L2HGDH: variants seen among roughly 807,000 people sequenced by gnomAD.
L2HGDH encodes L-2-hydroxyglutarate dehydrogenase.
L2HGDH carries 34 observed loss-of-function variants against 51.5 expected under a neutral mutation model. The observed-to-expected ratio is 0.66, with a 90% confidence interval of 0.50 to 0.88. The LOEUF (loss-of-function observed/expected upper bound fraction) is 0.88. Among genes scored for constraint, L2HGDH ranks in the 40% least tolerant of loss-of-function variants. L2HGDH has a pLI of 0.00. For synonymous variants in L2HGDH, 198 were observed against 197.9 expected, an observed-to-expected ratio of 1.00 and a Z score of -0.01; for missense variants, 558 against 571.9, an observed-to-expected ratio of 0.98 and a Z score of 0.25.
chr14:50,258,514 C>T (rs768158296), intron 9 of L2HGDH, among the ~76,000 whole-genome samples: 6 of 149,940 alleles, frequency 4.0e-5, no homozygotes, highest in African/African-American at 9.8e-5. Context: ...TCAGCCACCA[C>T]GCCCAGTCTT....
chr14:50,250,479 A>C (rs1888282035), intron 9 of L2HGDH, among the ~76,000 whole-genome samples: 1 of 152,216 alleles, frequency 6.6e-6, no homozygotes, highest in Non-Finnish European at 1.5e-5. Context: ...AGTAGAACAG[A>C]ACATCAGGTA....
In L2HGDH at chr14:50,284,113, A is replaced by G. The variant is rs568239724; in HGVS notation, c.541-80T>C. ...ACAAAATCTCTATAATCAAGAAACA[A>G]TTTTGTCCTTTAGAGGAGTTGATTT... On this transcript the variant is annotated intron_variant, in intron 4 of 9. Coordinates refer to ENST00000267436, the MANE Select transcript of L2HGDH (RefSeq NM_024884.3). 25 of 1,426,152 alleles carry G rather than the reference A, an allele frequency of 1.8e-5. No individual in the cohort carries two copies. In the African/African-American group the frequency reaches 2.0e-4, roughly 11 times the overall value. The allele number at this position is 1,426,152 out of a possible 1,614,324, so 88.3% of individuals were successfully genotyped here.
At chr14:50,289,446 T>C (rs1293686883) in intron 4 of L2HGDH, among the ~76,000 whole-genome samples, 1 of 152,170 alleles carries the variant, frequency 6.6e-6, no homozygotes, top group Non-Finnish European at 1.5e-5. Flanking sequence ...ACAAAACCAT[T>C]GAGTGTGTTA....
At chr14:50,285,039 A>G (rs944433174) in intron 4 of L2HGDH, among the ~76,000 whole-genome samples, 1 of 152,144 alleles carries the variant, frequency 6.6e-6, no homozygotes, top group Admixed American at 6.5e-5. Flanking sequence ...CAAGGTCAGG[A>G]GTTCGAGACC....
rs1274344294 is a variant in L2HGDH at position 50,243,273 on chromosome 14, T to A, written c.*3785A>T. On this transcript the variant is annotated 3_prime_UTR_variant, in exon 10 of 10. Transcript: ENST00000267436. ...CATCAAGAGTTCCTCACAAACACTC[T>A]GAAGTTAAAATCTAAAATGCTCCAC... The A allele has an allele frequency of 2.0e-6, 2 of 985,304 alleles. No homozygotes were observed. Among genetic ancestry groups the A allele is most frequent in the Non-Finnish European group, 2.4e-6 (2 of 829,936 alleles). The allele number at this position is 985,304 out of a possible 1,614,324, so 61.0% of individuals were successfully genotyped here. A position where few individuals can be genotyped will look rare whatever the true frequency, so the allele number is the denominator to read the frequency against.
chr14:50,261,308 A>C (rs1335896579), intron 9 of L2HGDH, among the ~76,000 whole-genome samples: 2 of 152,180 alleles, frequency 1.3e-5, no homozygotes, highest in African/African-American at 2.4e-5. Flanking sequence ...TGCTATGAAA[A>C]CATCTTGCCT....
intron 9 of L2HGDH, among the ~76,000 whole-genome samples, chr14:50,251,874 C>G (rs915812673): frequency 6.6e-6 from 1 of 152,014 alleles, no homozygotes; most frequent in Non-Finnish European, 1.5e-5. Flanking sequence ...AAAGAGAGTT[C>G]TTCAATCTGA....
intron 9 of L2HGDH, among the ~76,000 whole-genome samples, chr14:50,259,420 C>T (rs1330509588): frequency 2.2e-5 from 3 of 133,604 alleles, no homozygotes; most frequent in Middle Eastern, 4.6e-3. Flanking sequence ...CTGGGCTGAT[C>T]TCACTATGTT....
intron 1 of L2HGDH, among the ~76,000 whole-genome samples, 186 bp downstream of exon 1, chr14:50,311,825 G>C (rs1312449323): frequency 6.6e-6 from 1 of 152,270 alleles, no homozygotes. Context: ...CCTTTCCTCC[G>C]GCCCGTAAAT....
chr14:50,245,479 G>A lies in L2HGDH; in HGVS notation c.*1579C>T, dbSNP rs1481325254. ...AGAGACTGGAAATAATAAAGGCTTTGAGTTTGTTTTGTTATTTCCTACAAA... is the reference window on the plus strand; with the variant it reads ...AGAGACTGGAAATAATAAAGGCTTTAAGTTTGTTTTGTTATTTCCTACAAA... On this transcript the variant is annotated 3_prime_UTR_variant, in exon 10 of 10. Transcript: ENST00000267436. 33 of 983,250 alleles carry A rather than the reference G, an allele frequency of 3.4e-5. No homozygotes were observed. The highest frequency in any genetic ancestry group is 3.9e-5 in the Non-Finnish European group (32 of 828,138). 60.9% of individuals were successfully genotyped at this position (983,250 alleles called of 1,614,324 possible).
rs1377263001 is a variant in L2HGDH at position 50,246,294 on chromosome 14, C to T, written c.*764G>A. ...GGTATAGTGGCATGAACACAGCTCA[C>T]TGTAGCCTTGATCTCCCGGGCTCAA... is the stretch of plus-strand genomic sequence containing the variant. On this transcript the variant is annotated 3_prime_UTR_variant, in exon 10 of 10. Transcript: ENST00000267436. The T allele has an allele frequency of 6.6e-6, 1 of 152,016 alleles. No homozygotes were observed. Among genetic ancestry groups the T allele is most frequent in the Non-Finnish European group, 1.5e-5 (1 of 68,068 alleles). The allele number at this position is 152,016 out of a possible 1,614,324, so 9.4% of individuals were successfully genotyped here. A position where few individuals can be genotyped will look rare whatever the true frequency, so the allele number is the denominator to read the frequency against.
intron 1 of L2HGDH, chr14:50,311,334 C>A: frequency 2.2e-6 from 1 of 456,090 alleles, no homozygotes. Flanking sequence ...CACCATATGT[C>A]TTCCACTAAA....
At chr14:50,254,696 C>G (rs1488709652) in intron 9 of L2HGDH, among the ~76,000 whole-genome samples, 1 of 152,076 alleles carries the variant, frequency 6.6e-6, no homozygotes, top group Non-Finnish European at 1.5e-5. Flanking sequence ...GTCCCCTATA[C>G]TCTTGTCCAC....
At position 50,242,515 on chromosome 14, in the gene L2HGDH, A is replaced by T. The variant is rs1887847500; in HGVS notation, c.*4543T>A. Reference sequence around the variant, plus strand: ...TTAACAACATCAACAACAACAACAAACCCACAATACTTTCTAGGATTTGAG... The same window carrying T: ...TTAACAACATCAACAACAACAACAATCCCACAATACTTTCTAGGATTTGAG... On this transcript the variant is annotated 3_prime_UTR_variant, in exon 10 of 10. Coordinates refer to ENST00000267436, the MANE Select transcript of L2HGDH (RefSeq NM_024884.3). The T allele has an allele frequency of 2.0e-6, 2 of 981,524 alleles. No homozygotes were observed. Among genetic ancestry groups the T allele is most frequent in the Non-Finnish European group, 1.2e-6 (1 of 826,592 alleles). 60.8% of individuals were successfully genotyped at this position (981,524 alleles called of 1,614,324 possible). A position where few individuals can be genotyped will look rare whatever the true frequency, so the allele number is the denominator to read the frequency against.
chr14:50,246,923 C>A lies in L2HGDH; in HGVS notation c.*135G>T. The stretch of plus-strand genomic sequence containing the variant: ...GAAAATTATTATTTCTATGTTACAT[C>A]ATTTTAACAATGCAGTGGTTATCTT... On this transcript the variant is annotated 3_prime_UTR_variant, in exon 10 of 10. Transcript: ENST00000267436. 1.5e-6 allele frequency: 2 copies of A among 1,348,686 alleles called. No homozygotes were observed. The highest frequency in any genetic ancestry group is 3.1e-5 in the South Asian group (2 of 64,918). 83.5% of individuals were successfully genotyped at this position (1,348,686 alleles called of 1,614,324 possible).
chr14:50,297,639 C>G (rs2030142964), intron 3 of L2HGDH, among the ~76,000 whole-genome samples: 1 of 152,174 alleles, frequency 6.6e-6, no homozygotes, highest in East Asian at 1.9e-4. Context: ...GCACATGGAT[C>G]ATTCTCAAGG....
At chr14:50,250,469 A>G (rs1888281244) in intron 9 of L2HGDH, among the ~76,000 whole-genome samples, 2 of 152,230 alleles carry the variant, frequency 1.3e-5, no homozygotes, top group Admixed American at 6.5e-5. Context: ...AGTTATCCGC[A>G]GTAGAACAGA....
At chr14:50,307,739 ACAC>A (rs1595154883) in intron 1 of L2HGDH, among the ~76,000 whole-genome samples, 2 of 152,208 alleles carry the variant, frequency 1.3e-5, no homozygotes, top group South Asian at 2.1e-4. Flanking sequence ...CAAATCTTAA[ACAC>A]CACATTATTT....
At chr14:50,267,147 T>TTATC (rs1889385656) in intron 8 of L2HGDH, among the ~76,000 whole-genome samples, 1 of 31,924 alleles carries the variant, frequency 3.1e-5, no homozygotes, top group Non-Finnish European at 7.5e-5. Context: ...CTTTTTATTT[T>TTATC]TATTTATTTA....
Sources: gnomAD v4.1 joint callset for allele counts (sites outside exome capture counted in the v4.1 genomes callset) on GRCh38, gnomAD v4.1.1 for gene constraint, MANE v1.5 for transcripts, NCBI Gene and HGNC (gene_info 2026-07-23, HGNC 2026-07-21) for gene names.